UGT1A7: variants seen among roughly 807,000 people sequenced by gnomAD.
UGT1A7 encodes UDP-glucuronosyltransferase 1A7.
A neutral mutation model predicts 45.6 loss-of-function variants in UGT1A7; 33 were observed. The ratio of observed to expected loss-of-function variants is 0.72; its 90% confidence interval spans 0.55 to 0.97. UGT1A7 has a LOEUF of 0.97. Among genes scored for constraint, UGT1A7 ranks in the 50% least tolerant of loss-of-function variants. UGT1A7 has a pLI of 0.00. For missense variants in UGT1A7, 684 were observed against 666.2 expected (o/e 1.03, Z -0.29); for synonymous variants, 274 against 250.6 (o/e 1.09, Z -0.88).
intron 1 of UGT1A7, chr2:233,719,611 A>G: frequency 6.2e-7 from 1 of 1,613,980 alleles, no homozygotes; most frequent in Non-Finnish European, 8.5e-7. Flanking sequence ...TTTGTGATGG[A>G]CTACCCCAGG....
intron 1 of UGT1A7, among the ~76,000 whole-genome samples, chr2:233,733,833 G>A (rs1195470780): frequency 2.6e-5 from 4 of 152,136 alleles, no homozygotes; most frequent in African/African-American, 4.8e-5. Flanking sequence ...ATGAGTTAGG[G>A]AGGATTCCCT....
intron 1 of UGT1A7, among the ~76,000 whole-genome samples, chr2:233,725,807 A>G (rs2077476703): frequency 6.6e-6 from 1 of 152,102 alleles, no homozygotes; most frequent in Non-Finnish European, 1.5e-5. Context: ...CTTAAAATCC[A>G]TTTTATTGGA....
At chr2:233,736,066 G>C (rs879273661) in intron 1 of UGT1A7, among the ~76,000 whole-genome samples, 5 of 152,156 alleles carry the variant, frequency 3.3e-5, no homozygotes, top group Non-Finnish European at 7.3e-5. Flanking sequence ...TGCCTTGCTA[G>C]GTTTGGGAAG....
rs574966930 is a variant in UGT1A7 at position 233,766,325 on chromosome 2, G to A, written c.856-709G>A. ...CCTCCGACTGCCTCAGCCAAACTCC[G>A]CGTTGTTCTGCTGGTCAGTGGCCTG... On this transcript the variant is annotated intron_variant, in intron 1 of 4. Coordinates refer to ENST00000373426, the MANE Select transcript of UGT1A7 (RefSeq NM_019077.3). Among the ~76,000 whole-genome samples the A allele has an allele frequency of 2.9e-4, 44 of 152,228 alleles. 1 individual carries two copies. The highest frequency in any genetic ancestry group is 4.6e-4 in the Admixed American group (7 of 15,302).
chr2:233,755,426 C>G, intron 1 of UGT1A7: 1 of 320,654 alleles, frequency 3.1e-6, no homozygotes, highest in South Asian at 2.7e-5. Flanking sequence ...GAGCGCCTCG[C>G]ATCCCAAGAT....
In UGT1A7 at chr2:233,768,278, C is replaced by T. The variant is rs72551354; in HGVS notation, c.1134C>T (p.Ser378=). The change falls in exon 4 of 5, where the codon AGC becomes AGT. Residue 378 remains serine, a synonymous_variant. Coordinates refer to ENST00000373426, the MANE Select transcript of UGT1A7 (RefSeq NM_019077.3). ...THAGSHGVYE[S]ICNGVPMVMM... is the part of the protein sequence containing the mutation. ...CTGGTTCCCATGGTGTTTATGAAAG[C>T]ATATGCAATGGCGTTCCCATGGTGA... 6.2e-7 allele frequency: 1 copy of T among 1,614,064 alleles called. No individual in the cohort carries two copies. The highest frequency in any genetic ancestry group is 1.3e-5 in the African/African-American group (1 of 74,924).
At chr2:233,709,533 T>C (rs2076081287) in intron 1 of UGT1A7, among the ~76,000 whole-genome samples, 1 of 152,184 alleles carries the variant, frequency 6.6e-6, no homozygotes, top group African/African-American at 2.4e-5. Flanking sequence ...TTTTTCCTAC[T>C]GTGATATATG....
At chr2:233,703,835 C>A (rs2075754934) in intron 1 of UGT1A7, among the ~76,000 whole-genome samples, 1 of 151,934 alleles carries the variant, frequency 6.6e-6, no homozygotes, top group Admixed American at 6.6e-5. Context: ...TTGTTTAATC[C>A]ATTCACATTT....
intron 1 of UGT1A7, among the ~76,000 whole-genome samples, chr2:233,724,367 G>T (rs1413054411): frequency 2.0e-5 from 3 of 147,986 alleles, no homozygotes; most frequent in Admixed American, 1.3e-4. Context: ...CCCGGACGGG[G>T]TGGCTGCCGG....
chr2:233,722,946 TGAG>T (rs1439594890), intron 1 of UGT1A7, among the ~76,000 whole-genome samples: 3 of 133,040 alleles, frequency 2.3e-5, no homozygotes, highest in African/African-American at 2.8e-5. Flanking sequence ...CTGAGTGGGC[TGAG>T]GAGGAGGAGG....
chr2:233,690,459 C>A, intron 1 of UGT1A7: 1 of 1,288,310 alleles, frequency 7.8e-7, no homozygotes, highest in Non-Finnish European at 1.0e-6. Context: ...AAAATGCCAG[C>A]TATCCTCCAT....
intron 1 of UGT1A7, among the ~76,000 whole-genome samples, chr2:233,733,461 T>C (rs1181074493): frequency 2.0e-5 from 3 of 152,224 alleles, no homozygotes. Flanking sequence ...TAAATAGCTC[T>C]TATTATTTTG....
chr2:233,733,103 T>G lies in UGT1A7; in HGVS notation c.856-33931T>G, dbSNP rs137950812. ...AATGGGAGTTCACTCATGGTTTGGC[T>G]CTGTTTGTCTGTTATTGGTGTATAG... On this transcript the variant is annotated intron_variant, in intron 1 of 4. Coordinates refer to ENST00000373426, the MANE Select transcript of UGT1A7 (RefSeq NM_019077.3). Among the ~76,000 whole-genome samples the G allele has an allele frequency of 9.9e-3, 1,505 of 152,334 alleles. 21 individuals are homozygous for G. Among genetic ancestry groups the G allele is most frequent in the African/African-American group, 0.035 (1,436 of 41,572 alleles).
At chr2:233,721,907 C>A in intron 1 of UGT1A7, 1 of 444,142 alleles carries the variant, frequency 2.3e-6, no homozygotes, top group South Asian at 1.7e-5. Context: ...AAATGGTGCA[C>A]ACTGCTTCCA....
At chr2:233,709,200 C>A (rs1423468626) in intron 1 of UGT1A7, among the ~76,000 whole-genome samples, 10 of 152,062 alleles carry the variant, frequency 6.6e-5, no homozygotes. Flanking sequence ...TGGATCCTCA[C>A]CAGAAGTACA....
chr2:233,719,393 C>T (rs759794462), intron 1 of UGT1A7: 2 of 1,613,946 alleles, frequency 1.2e-6, no homozygotes, highest in Non-Finnish European at 1.7e-6. Context: ...CAAATCCTTC[C>T]TCCTATATTC....
intron 1 of UGT1A7, chr2:233,729,110 C>T: frequency 6.2e-7 from 1 of 1,612,868 alleles, no homozygotes; most frequent in Non-Finnish European, 8.5e-7. Context: ...AGTCAGCTGT[C>T]CGTGTCTTCT....
chr2:233,754,919 G>C, intron 1 of UGT1A7: 9 of 1,353,338 alleles, frequency 6.7e-6, no homozygotes, highest in Non-Finnish European at 8.9e-6. Context: ...TCTCCAGCGG[G>C]TTTCCCAAGA....
At chr2:233,699,371 A>G (rs2075501772) in intron 1 of UGT1A7, among the ~76,000 whole-genome samples, 2 of 152,194 alleles carry the variant, frequency 1.3e-5, no homozygotes, top group South Asian at 4.1e-4. Flanking sequence ...TGGTATGGCT[A>G]GATTTCAAAT....
Sources: gnomAD v4.1 joint callset for allele counts (sites outside exome capture counted in the v4.1 genomes callset) on GRCh38, gnomAD v4.1.1 for gene constraint, MANE v1.5 for transcripts, NCBI Gene and HGNC (gene_info 2026-07-23, HGNC 2026-07-21) for gene names.